The following IFRD1 variants were observed in gnomAD, a reference collection of about 807,000 sequenced individuals.
The protein encoded by IFRD1 is interferon related developmental regulator 1, also known as interferon-related developmental regulator 1.
IFRD1 carries 35 observed loss-of-function variants against 52.9 expected under a neutral mutation model. The ratio of observed to expected loss-of-function variants is 0.66; its 90% CI spans 0.51 to 0.88. The LOEUF (loss-of-function observed/expected upper bound fraction) is 0.88. IFRD1 is among the 40% of genes least tolerant of loss of function. The probability of loss-of-function intolerance (pLI) is 0.00; values close to 1 mark genes in which losing one functional copy is unlikely to be tolerated. For synonymous variants in IFRD1, 184 were observed against 188.4 expected, an observed-to-expected ratio of 0.98 and a Z score of 0.19; for missense variants, 517 against 550.8, an observed-to-expected ratio of 0.94 and a Z score of 0.61.
chr7:112,430,224 C>A (rs1358842678), intron 1 of IFRD1, among the ~76,000 whole-genome samples: 3 of 152,146 alleles, frequency 2.0e-5, no homozygotes, highest in Non-Finnish European at 4.4e-5. Flanking sequence ...ATTTGGGAGC[C>A]CAATTCTTTT....
At chr7:112,449,842 TG>T (rs1795108391), upstream of IFRD1, among the ~76,000 whole-genome samples, 4 of 45,784 alleles carry the variant, frequency 8.7e-5, no homozygotes, top group Admixed American at 1.9e-4. Context: ...GGGGGGGGGA[TG>T]GGGGGCACAT....
intron 1 of IFRD1, among the ~76,000 whole-genome samples, chr7:112,442,680 C>T (rs142776213): frequency 6.6e-6 from 1 of 152,308 alleles, no homozygotes; most frequent in Non-Finnish European, 1.5e-5. Context: ...GACGGACAGC[C>T]ACGGGCCACC....
chr7:112,430,387 G>T (rs1161501872), intron 1 of IFRD1, among the ~76,000 whole-genome samples: 1 of 152,204 alleles, frequency 6.6e-6, no homozygotes, highest in African/African-American at 2.4e-5. Flanking sequence ...AGGTGGTTCT[G>T]AGATGGCCAG....
chr7:112,469,999 G>A (rs1279567884), intron 9 of IFRD1, among the ~76,000 whole-genome samples: 3 of 151,310 alleles, frequency 2.0e-5, no homozygotes, highest in African/African-American at 4.9e-5. Flanking sequence ...CCAGCTTCTC[G>A]GATGGGTCTT....
chr7:112,443,594 G>A (rs879361793), intron 1 of IFRD1, among the ~76,000 whole-genome samples: 12 of 151,856 alleles, frequency 7.9e-5, no homozygotes, highest in African/African-American at 1.9e-4. Flanking sequence ...AAAAACGGCC[G>A]AGTGTGGTGG....
chr7:112,455,976 G>C, intron 2 of IFRD1, 26 bp from the exon 3 acceptor site: 2 of 1,503,672 alleles, frequency 1.3e-6, no homozygotes, highest in Non-Finnish European at 1.9e-6. Context: ...TTTAAATTAC[G>C]ATGGCTGTTT....
At position 112,430,964 on chromosome 7, in the gene IFRD1, G is replaced by A. The variant is rs1309400527; in HGVS notation, c.-182+7532G>A. 4.6e-5 allele frequency among the ~76,000 whole-genome samples: 7 copies of A among 152,174 alleles called. No homozygotes were observed. The East Asian group carries it at 1.3e-3, about 29-fold the overall frequency. ...GTGAGAGTGGAAGGACCATTCCTTT[G>A]AGCTCCTCCTTTCTTCTTCTTTCTT... On this transcript the variant is annotated intron_variant, in intron 1 of 12. Transcript: ENST00000005558.
intron 1 of IFRD1, among the ~76,000 whole-genome samples, chr7:112,431,208 C>G (rs1324936930): frequency 6.6e-6 from 1 of 152,150 alleles, no homozygotes; most frequent in Non-Finnish European, 1.5e-5. Flanking sequence ...CTGTCTTGCT[C>G]TTTTGGCTAG....
intron 1 of IFRD1, among the ~76,000 whole-genome samples, chr7:112,455,397 A>G (rs1312296604): frequency 6.6e-6 from 1 of 152,040 alleles, no homozygotes. Context: ...AGGCAGGAGA[A>G]TTGCTCGAAC....
chr7:112,425,098 T>C (rs1422984750), intron 1 of IFRD1, among the ~76,000 whole-genome samples: 1 of 152,068 alleles, frequency 6.6e-6, no homozygotes, highest in East Asian at 1.9e-4. Context: ...CTCAAACTCC[T>C]GGGCTCAAGC....
At chr7:112,471,359 T>C (rs1024965763) in intron 9 of IFRD1, among the ~76,000 whole-genome samples, 1 of 152,106 alleles carries the variant, frequency 6.6e-6, no homozygotes, top group Non-Finnish European at 1.5e-5. Flanking sequence ...TTGACGGTCT[T>C]TTCTATTACA....
intron 1 of IFRD1, among the ~76,000 whole-genome samples, chr7:112,445,242 A>G (rs963418781): frequency 1.3e-5 from 2 of 151,534 alleles, no homozygotes; most frequent in South Asian, 4.2e-4. Context: ...AATTTTTTAT[A>G]TTTTTAGTAG....
At position 112,440,665 on chromosome 7, in the gene IFRD1, C is replaced by T. The variant is rs144178651; in HGVS notation, c.-181-9843C>T. On this transcript the variant is annotated intron_variant, in intron 1 of 12. Transcript: ENST00000005558. Reference sequence around the variant, plus strand: ...GTTCCTACTTCCTACTGCCTTTCATCTGAGTGTAAAAGATAGGCTTTTAAA... The same window carrying T: ...GTTCCTACTTCCTACTGCCTTTCATTTGAGTGTAAAAGATAGGCTTTTAAA... Among the ~76,000 whole-genome samples the T allele has an allele frequency of 1.2e-4, 18 of 152,290 alleles. 1 individual carries two copies. In the Middle Eastern group the frequency reaches 0.01, roughly 86 times the overall value.
intron 1 of IFRD1, among the ~76,000 whole-genome samples, chr7:112,438,668 C>A (rs1794775387): frequency 6.6e-6 from 1 of 152,150 alleles, no homozygotes; most frequent in Admixed American, 6.5e-5. Context: ...GAAGATACCT[C>A]CTTCGCCAAA....
chr7:112,454,949 G>A (rs755052692), intron 1 of IFRD1, among the ~76,000 whole-genome samples: 10 of 138,210 alleles, frequency 7.2e-5, no homozygotes, highest in Non-Finnish European at 1.1e-4. Context: ...TCACTGCAAC[G>A]TCTGCCTCCG....
At chr7:112,470,075 C>T (rs948135524) in intron 9 of IFRD1, among the ~76,000 whole-genome samples, 10 of 152,228 alleles carry the variant, frequency 6.6e-5, no homozygotes, top group African/African-American at 2.4e-4. Context: ...GTGGCTGCCA[C>T]ACCATTTCTT....
At chr7:112,471,236 G>T (rs752052875) in intron 9 of IFRD1, among the ~76,000 whole-genome samples, 9 of 152,276 alleles carry the variant, frequency 5.9e-5, no homozygotes, top group East Asian at 1.9e-4. Context: ...TAACCCTCAT[G>T]CAGTATAGGT....
intron 11 of IFRD1, among the ~76,000 whole-genome samples, chr7:112,474,315 A>G (rs1795837500): frequency 6.6e-6 from 1 of 152,190 alleles, no homozygotes; most frequent in Non-Finnish European, 1.5e-5. Context: ...TAACTTTCTC[A>G]GAAACCACCA....
At chr7:112,451,691 A>G (rs1004418582) in intron 1 of IFRD1, among the ~76,000 whole-genome samples, 1 of 152,200 alleles carries the variant, frequency 6.6e-6, no homozygotes, top group Non-Finnish European at 1.5e-5. Flanking sequence ...TTCCAATTGG[A>G]ATTGGAAGGC....
Sources: allele counts gnomAD v4.1 joint callset (sites outside exome capture counted in the v4.1 genomes callset), GRCh38; gene constraint gnomAD v4.1.1; transcripts MANE v1.5; gene names NCBI Gene and HGNC (gene_info 2026-07-23, HGNC 2026-07-21).